Variants in SLC1A2 observed in about 807,000 individuals in gnomAD.
The protein encoded by SLC1A2 is solute carrier family 1 member 2, also known as excitatory amino acid transporter 2.
In SLC1A2, 15 loss-of-function variants were observed where a neutral mutation model predicts 48.8. The observed-to-expected ratio is 0.31, with a 90% confidence interval of 0.21 to 0.47. The LOEUF (loss-of-function observed/expected upper bound fraction) is 0.47, where lower values mean the gene tolerates loss of function less well. Among genes scored for constraint, SLC1A2 ranks in the 20% least tolerant of loss-of-function variants. The pLI is 0.99. For synonymous variants in SLC1A2, 279 were observed against 272.6 expected, an observed-to-expected ratio of 1.02 and a Z score of -0.23; for missense variants, 502 against 730.5, an observed-to-expected ratio of 0.69 and a Z score of 3.61.
intron 3 of SLC1A2, among the ~76,000 whole-genome samples, chr11:35,313,567 A>C (rs143755899): frequency 6.6e-6 from 1 of 152,254 alleles, no homozygotes; most frequent in East Asian, 1.9e-4. Flanking sequence ...ATGGGGGAAG[A>C]AGTTAGTGAT....
chr11:35,398,706 C>T (rs1285431611), intron 1 of SLC1A2, among the ~76,000 whole-genome samples: 1 of 152,158 alleles, frequency 6.6e-6, no homozygotes, highest in African/African-American at 2.4e-5. Context: ...TGAGTTTGAT[C>T]AAGGAAACAC....
intron 9 of SLC1A2, chr11:35,280,662 C>A (rs1463087079): frequency 1.9e-6 from 1 of 514,550 alleles, no homozygotes; most frequent in Non-Finnish European, 3.4e-6. Context: ...GATTCCTCCA[C>A]TAGACTGTGA....
intron 1 of SLC1A2, among the ~76,000 whole-genome samples, chr11:35,369,919 T>A (rs1590237665): frequency 6.6e-6 from 1 of 152,162 alleles, no homozygotes; most frequent in Non-Finnish European, 1.5e-5. Flanking sequence ...AGGAATAAAG[T>A]ATCTGGTTGT....
chr11:35,297,560 T>C (rs1460568840), intron 6 of SLC1A2, among the ~76,000 whole-genome samples: 1 of 152,102 alleles, frequency 6.6e-6, no homozygotes, highest in Non-Finnish European at 1.5e-5. Context: ...ATTGGAAGAG[T>C]AGGCAGAGAT....
chr11:35,369,292 A>T (rs1853975485), intron 1 of SLC1A2, among the ~76,000 whole-genome samples: 1 of 152,196 alleles, frequency 6.6e-6, no homozygotes, highest in African/African-American at 2.4e-5. Flanking sequence ...GAGGTGAGGG[A>T]AGGTGAGAGA....
intron 9 of SLC1A2, chr11:35,280,621 T>C: frequency 2.3e-6 from 1 of 439,808 alleles, no homozygotes; most frequent in Non-Finnish European, 4.0e-6. Context: ...TCCTTATTAC[T>C]GTACTTTTAA....
chr11:35,403,644 A>C (rs1855196830), intron 1 of SLC1A2, among the ~76,000 whole-genome samples: 1 of 152,182 alleles, frequency 6.6e-6, no homozygotes, highest in Non-Finnish European at 1.5e-5. Context: ...TCCATAAAGC[A>C]GGTCCTGCTT....
intron 7 of SLC1A2, among the ~76,000 whole-genome samples, chr11:35,288,591 T>C (rs11033052): frequency 0.6 from 90,761 of 152,004 alleles, 27,779 homozygotes; most frequent in East Asian, 0.73. Flanking sequence ...AATCTAAGGA[T>C]ACTTCTGGAA....
At chr11:35,401,191 TGTAA>T (rs1477829001) in intron 1 of SLC1A2, among the ~76,000 whole-genome samples, 1 of 152,196 alleles carries the variant, frequency 6.6e-6, no homozygotes, top group African/African-American at 2.4e-5. Flanking sequence ...GAGAATGGAC[TGTAA>T]GTGTTTCTTA....
intron 1 of SLC1A2, among the ~76,000 whole-genome samples, chr11:35,410,829 A>G (rs1031078044): frequency 6.6e-6 from 1 of 151,882 alleles, no homozygotes; most frequent in Admixed American, 6.6e-5. Context: ...GACTGTTTCA[A>G]CCTCTCCCTC....
chr11:35,358,762 T>C (rs1035146547), intron 1 of SLC1A2, among the ~76,000 whole-genome samples: 3 of 152,168 alleles, frequency 2.0e-5, no homozygotes, highest in African/African-American at 7.2e-5. Context: ...TAGTGAACAC[T>C]GAATAATGTG....
intron 1 of SLC1A2, among the ~76,000 whole-genome samples, chr11:35,366,117 T>C (rs1382952786): frequency 6.6e-6 from 1 of 152,132 alleles, no homozygotes; most frequent in Non-Finnish European, 1.5e-5. Flanking sequence ...TCAACTAGAG[T>C]TTATTATACT....
chr11:35,311,889 A>AGG (rs1216595036), intron 4 of SLC1A2, among the ~76,000 whole-genome samples: 54 of 72,584 alleles, frequency 7.4e-4, no homozygotes, highest in African/African-American at 1.8e-3. Flanking sequence ...AGAGAGAGAG[A>AGG]GAGGGAGGGA....
chr11:35,285,894 T>G (rs780633725), intron 8 of SLC1A2: 1 of 152,220 alleles, frequency 6.6e-6, no homozygotes, highest in Non-Finnish European at 1.5e-5. Context: ...GGATATGACA[T>G]AAGGCAGAAA....
At position 35,252,736 on chromosome 11, in the gene SLC1A2, T is replaced by G. The variant is rs1020203998; in HGVS notation, c.*8158A>C. ...GATCAACATGTCTACTGCATTTAGA[T>G]GAATAGCCAAAAATAACATATACAT... On this transcript the variant is annotated 3_prime_UTR_variant, in exon 11 of 11. Transcript: ENST00000278379. 6.6e-6 allele frequency: 1 copy of G among 152,654 alleles called. No homozygotes were observed. Among genetic ancestry groups the G allele is most frequent in the African/African-American group, 2.4e-5 (1 of 41,472 alleles). The allele number at this position is 152,654 out of a possible 1,614,324, so 9.5% of individuals were successfully genotyped here. A position where few individuals can be genotyped will look rare whatever the true frequency, so the allele number is the denominator to read the frequency against.
At chr11:35,277,627 T>A (rs976565976) in intron 9 of SLC1A2, among the ~76,000 whole-genome samples, 3 of 152,108 alleles carry the variant, frequency 2.0e-5, no homozygotes, top group African/African-American at 7.2e-5. Flanking sequence ...AAGAAAAAAA[T>A]GAGGCAATAT....
intron 1 of SLC1A2, among the ~76,000 whole-genome samples, chr11:35,383,110 T>C (rs1028749069): frequency 1.7e-4 from 26 of 152,284 alleles, no homozygotes; most frequent in Non-Finnish European, 3.2e-4. Flanking sequence ...AGTGTAGCCA[T>C]GACTGGAAAA....
chr11:35,394,789 G>A (rs1486030708), intron 1 of SLC1A2, among the ~76,000 whole-genome samples: 1 of 152,200 alleles, frequency 6.6e-6, no homozygotes, highest in Non-Finnish European at 1.5e-5. Flanking sequence ...CTGTTAAGCC[G>A]TTGGGCACGA....
intron 7 of SLC1A2, among the ~76,000 whole-genome samples, chr11:35,288,220 TC>T (rs1176742283): frequency 2.0e-5 from 3 of 152,142 alleles, no homozygotes; most frequent in African/African-American, 7.2e-5. Context: ...GCCCACGAGC[TC>T]CTAAAACAAC....
Sources: allele counts gnomAD v4.1 joint callset (sites outside exome capture counted in the v4.1 genomes callset), GRCh38; gene constraint gnomAD v4.1.1; transcripts MANE v1.5; gene names NCBI Gene and HGNC (gene_info 2026-07-23, HGNC 2026-07-21).